SEL1L2: variants seen among roughly 807,000 people sequenced by gnomAD.
SEL1L2 encodes the protein SEL1L2 adaptor subunit of SYVN1 ubiquitin ligase, also known as protein sel-1 homolog 2.
In SEL1L2, 89 loss-of-function variants were observed where a neutral mutation model predicts 98.8. The ratio of observed to expected loss-of-function variants is 0.90; its 90% CI spans 0.76 to 1.07. The LOEUF (loss-of-function observed/expected upper bound fraction) is 1.07, where lower values mean the gene tolerates loss of function less well. SEL1L2 is among the 50% of genes least tolerant of loss of function. The pLI is 0.00. For synonymous variants in SEL1L2, 262 were observed against 278.5 expected, an observed-to-expected ratio of 0.94 and a Z score of 0.59; for missense variants, 788 against 812.0, an observed-to-expected ratio of 0.97 and a Z score of 0.36.
At chr20:13,926,256 A>G (rs1425662536) in intron 3 of SEL1L2, among the ~76,000 whole-genome samples, 3 of 152,218 alleles carry the variant, frequency 2.0e-5, no homozygotes, top group Non-Finnish European at 2.9e-5. Context: ...CGGAGCTTGT[A>G]GTGAGCGGAG....
intron 2 of SEL1L2, among the ~76,000 whole-genome samples, chr20:13,945,886 T>A (rs1473801647): frequency 1.3e-5 from 2 of 152,256 alleles, no homozygotes; most frequent in South Asian, 2.1e-4. Flanking sequence ...AAATTTGACA[T>A]GCTTTTGTGA....
upstream of SEL1L2, among the ~76,000 whole-genome samples, chr20:13,993,582 T>G (rs1400765807): frequency 6.6e-6 from 1 of 152,112 alleles, no homozygotes; most frequent in African/African-American, 2.4e-5. Flanking sequence ...GAAAAGATAA[T>G]CAATAGTGTA....
In SEL1L2 at chr20:13,958,978, A is replaced by C. The variant is rs375831771; in HGVS notation, c.59-2847T>G. On this transcript the variant is annotated intron_variant, in intron 1 of 19. Transcript: ENST00000284951. ...GACAAGAGCCTTGAAGATGAGGAGC[A>C]TAGTGGGCGGCCATCGGAAATTGAC... is the stretch of plus-strand genomic sequence containing the variant. 2.7e-4 allele frequency among the ~76,000 whole-genome samples: 41 copies of C among 151,822 alleles called. 4 individuals are homozygous for C. Among genetic ancestry groups the C allele is most frequent in the Admixed American group, 2.1e-3 (32 of 15,230 alleles).
intron 18 of SEL1L2, among the ~76,000 whole-genome samples, chr20:13,850,705 C>G (rs1009515215): frequency 6.6e-6 from 1 of 152,162 alleles, no homozygotes; most frequent in Non-Finnish European, 1.5e-5. Context: ...GATTCTTCCC[C>G]AGAGCCCTCA....
intron 5 of SEL1L2, among the ~76,000 whole-genome samples, chr20:13,906,731 T>C (rs2148134631): frequency 6.6e-6 from 1 of 152,304 alleles, no homozygotes; most frequent in South Asian, 2.1e-4. Flanking sequence ...CAGGCTGGAG[T>C]GCAGTGGCCC....
chr20:13,859,354 T>C lies in SEL1L2; in HGVS notation c.1726A>G (p.Thr576Ala), dbSNP rs1989710197. 1 of 1,614,166 alleles carries C rather than the reference T, an allele frequency of 6.2e-7. No homozygotes were observed. The highest frequency in any genetic ancestry group is 2.2e-5 in the East Asian group (1 of 44,868). The change falls in exon 18 of 20, where the codon ACA (threonine) becomes GCA (alanine). Residue 576 changes from threonine (T) to alanine (A), a missense_variant. By Grantham distance (58) the Thr-to-Ala change is moderately conservative. Transcript: ENST00000284951. ...TTGTTGGCTGCAATGCTGTAGTGTG[T>C]GGCTGCTGTTTGATAGTCTTTCTTA... ...GTKKDYQTAA[T>A]HYSIAANKYH...
chr20:13,950,861 G>C (rs1212398494), intron 2 of SEL1L2, among the ~76,000 whole-genome samples: 1 of 152,158 alleles, frequency 6.6e-6, no homozygotes, highest in African/African-American at 2.4e-5. Context: ...GACTGTGTTA[G>C]AAAATGCTTG....
intron 3 of SEL1L2, chr20:13,927,929 T>G (rs2048970012): frequency 6.6e-6 from 1 of 152,234 alleles, no homozygotes; most frequent in South Asian, 2.1e-4. Context: ...GGACCCACAG[T>G]GAGACTTAAT....
chr20:13,954,548 G>A (rs1012712541), intron 2 of SEL1L2, among the ~76,000 whole-genome samples: 129 of 152,186 alleles, frequency 8.5e-4, no homozygotes, highest in Non-Finnish European at 2.4e-4. Flanking sequence ...TTTGTATTGT[G>A]TTTTGTTTTG....
At chr20:13,989,636 T>C (rs750924434) in intron 1 of SEL1L2, among the ~76,000 whole-genome samples, 3 of 152,228 alleles carry the variant, frequency 2.0e-5, no homozygotes, top group Admixed American at 6.5e-5. Context: ...AAAGTTTCCT[T>C]CCATTCTTAG....
intron 4 of SEL1L2, chr20:13,915,279 C>A: frequency 2.4e-6 from 3 of 1,264,312 alleles, no homozygotes; most frequent in Non-Finnish European, 2.1e-6. Context: ...TCCAGTGGAA[C>A]AAAAAGAGAT....
At chr20:13,968,004 T>G (rs2051125506) in intron 1 of SEL1L2, among the ~76,000 whole-genome samples, 2 of 152,348 alleles carry the variant, frequency 1.3e-5, no homozygotes, top group South Asian at 4.1e-4. Context: ...GGTAATAGGC[T>G]AATGGCTTAG....
At chr20:13,956,832 T>C (rs1025677736) in intron 1 of SEL1L2, among the ~76,000 whole-genome samples, 20 of 152,124 alleles carry the variant, frequency 1.3e-4, no homozygotes, top group African/African-American at 4.6e-4. Flanking sequence ...ATCATGATGT[T>C]TCAACTTTAC....
chr20:13,925,475 A>G (rs1299715121), intron 3 of SEL1L2, among the ~76,000 whole-genome samples: 1 of 152,174 alleles, frequency 6.6e-6, no homozygotes, highest in Non-Finnish European at 1.5e-5. Context: ...AGCTTCCTTG[A>G]TATTTGCCTA....
intron 1 of SEL1L2, among the ~76,000 whole-genome samples, chr20:13,975,456 A>C (rs890719894): frequency 1.3e-5 from 2 of 152,220 alleles, no homozygotes; most frequent in African/African-American, 4.8e-5. Flanking sequence ...AACTTAAAAT[A>C]ACAGAGGTAA....
chr20:13,959,088 A>G (rs1205029569), intron 1 of SEL1L2, among the ~76,000 whole-genome samples: 1 of 152,168 alleles, frequency 6.6e-6, no homozygotes, highest in African/African-American at 2.4e-5. Context: ...CGACCATTCT[A>G]TGGTTGTTCG....
rs761407883 is a variant in SEL1L2 at position 13,865,324 on chromosome 20, T to C, written c.1570+25A>G. ...ACATGCATATGTATGATTGGGGGAT[T>C]GCAGAGAATTTTAACTCATCTTACT... On this transcript the variant is annotated intron_variant, in intron 16 of 19. Coordinates refer to ENST00000284951, the MANE Select transcript of SEL1L2 (RefSeq NM_025229.2). 7.3e-5 allele frequency: 117 copies of C among 1,612,474 alleles called. No homozygotes were observed. The South Asian group carries it at 1.2e-3, about 17-fold the overall frequency.
At chr20:13,932,201 A>G (rs2049175110) in intron 2 of SEL1L2, among the ~76,000 whole-genome samples, 2 of 152,122 alleles carry the variant, frequency 1.3e-5, no homozygotes, top group African/African-American at 2.4e-5. Context: ...TAAAAAAACA[A>G]TATTTCCCAA....
intron 2 of SEL1L2, among the ~76,000 whole-genome samples, chr20:13,949,705 AC>A (rs111325363): frequency 0.22 from 32,339 of 149,172 alleles, 4,006 homozygotes; most frequent in African/African-American, 0.34. Context: ...AACCAAACAA[AC>A]AAAAAAGAAC....
Sources: gnomAD v4.1 joint callset for allele counts (sites outside exome capture counted in the v4.1 genomes callset) on GRCh38, gnomAD v4.1.1 for gene constraint, MANE v1.5 for transcripts, NCBI Gene and HGNC (gene_info 2026-07-23, HGNC 2026-07-21) for gene names.